Variants in NRXN3 observed in about 807,000 individuals in gnomAD.
NRXN3 encodes neurexin 3.
NRXN3 carries 32 observed loss-of-function variants against 137.6 expected under a neutral mutation model. The observed-to-expected ratio is 0.23, with a 90% CI of 0.18 to 0.31. NRXN3 has a LOEUF of 0.31. Ranked by LOEUF, NRXN3 falls within the 10% of genes least tolerant of loss-of-function variation. NRXN3 has a pLI of 1.00. For missense variants in NRXN3, 1,574 were observed against 2,062.5 expected, an observed-to-expected ratio of 0.76 and a Z score of 4.59; for synonymous variants, 798 against 784.5, an observed-to-expected ratio of 1.02 and a Z score of -0.29.
At chr14:79,573,121 C>T (rs2097626083) in intron 16 of NRXN3, 1 of 152,076 alleles carries the variant, frequency 6.6e-6, no homozygotes. Context: ...CTTTCAGATG[C>T]TTTTTAAATA....
chr14:78,459,528 C>T (rs1020718523), intron 4 of NRXN3, among the ~76,000 whole-genome samples: 3 of 152,146 alleles, frequency 2.0e-5, no homozygotes, highest in African/African-American at 7.2e-5. Flanking sequence ...GCCCTTTCTC[C>T]CCAGCCCCTG....
intron 15 of NRXN3, among the ~76,000 whole-genome samples, chr14:79,258,932 A>G (rs1001082658): frequency 6.6e-6 from 1 of 152,242 alleles, no homozygotes; most frequent in Admixed American, 6.5e-5. Flanking sequence ...TGAGTAATAG[A>G]ACAAAGTAGA....
At chr14:78,310,452 T>TAGTA (rs2077851711) in intron 4 of NRXN3, among the ~76,000 whole-genome samples, 1 of 152,038 alleles carries the variant, frequency 6.6e-6, no homozygotes, top group Non-Finnish European at 1.5e-5. Context: ...GATCCATCTG[T>TAGTA]AGTACACCAT....
At chr14:78,465,695 C>T (rs1032021930) in intron 4 of NRXN3, among the ~76,000 whole-genome samples, 1 of 151,078 alleles carries the variant, frequency 6.6e-6, no homozygotes, top group Non-Finnish European at 1.5e-5. Flanking sequence ...CCACCATGCC[C>T]GGCTAATTTT....
chr14:79,461,626 C>G (rs1325719986), intron 15 of NRXN3, among the ~76,000 whole-genome samples: 1 of 152,074 alleles, frequency 6.6e-6, no homozygotes, highest in South Asian at 2.1e-4. Context: ...TTTATCAGTT[C>G]CAAAGCAACA....
chr14:78,761,757 G>T (rs2098692994), intron 8 of NRXN3, among the ~76,000 whole-genome samples: 1 of 152,170 alleles, frequency 6.6e-6, no homozygotes, highest in African/African-American at 2.4e-5. Context: ...TTAAGGAAGA[G>T]CTGCTTTTCA....
At chr14:78,987,309 A>G (rs1308448878) in intron 14 of NRXN3, among the ~76,000 whole-genome samples, 1 of 152,192 alleles carries the variant, frequency 6.6e-6, no homozygotes, top group Non-Finnish European at 1.5e-5. Context: ...TAAGTTGGAC[A>G]TCAGCATCCT....
intron 4 of NRXN3, among the ~76,000 whole-genome samples, chr14:78,642,972 G>A (rs1365883736): frequency 6.6e-6 from 1 of 152,154 alleles, no homozygotes; most frequent in African/African-American, 2.4e-5. Context: ...ATACCAATGT[G>A]TGTGCAAGCA....
At chr14:79,236,493 C>G (rs929287881) in intron 15 of NRXN3, among the ~76,000 whole-genome samples, 1 of 152,050 alleles carries the variant, frequency 6.6e-6, no homozygotes, top group East Asian at 1.9e-4. Flanking sequence ...TATATGAGAG[C>G]TCTTCTTTCT....
chr14:79,491,609 G>A (rs1419118961), intron 16 of NRXN3, among the ~76,000 whole-genome samples: 2 of 146,012 alleles, frequency 1.4e-5, no homozygotes, highest in African/African-American at 5.5e-5. Context: ...TCAAAAAAAA[G>A]CAAAAACAAA....
chr14:78,325,912 T>A (rs1207355502), intron 4 of NRXN3, among the ~76,000 whole-genome samples: 1 of 152,210 alleles, frequency 6.6e-6, no homozygotes, highest in East Asian at 1.9e-4. Context: ...TTCTAACACA[T>A]CTCACTCTAT....
At chr14:78,386,628 A>G (rs2090008157) in intron 4 of NRXN3, among the ~76,000 whole-genome samples, 1 of 152,236 alleles carries the variant, frequency 6.6e-6, no homozygotes, top group Non-Finnish European at 1.5e-5. Context: ...ATGGATGAAC[A>G]AACCAAAGGC....
At chr14:79,120,451 C>T (rs977717346) in intron 15 of NRXN3, among the ~76,000 whole-genome samples, 5 of 151,878 alleles carry the variant, frequency 3.3e-5, no homozygotes, top group African/African-American at 4.8e-5. Flanking sequence ...CTTGTAAGCT[C>T]ATTGCCACTA....
intron 15 of NRXN3, among the ~76,000 whole-genome samples, chr14:79,232,986 G>C (rs1312901924): frequency 6.6e-6 from 1 of 152,166 alleles, no homozygotes; most frequent in Non-Finnish European, 1.5e-5. Context: ...AGATAACTGA[G>C]ATAGTGATTC....
At position 78,801,316 on chromosome 14, in the gene NRXN3, G is replaced by A. The variant is rs537509686; in HGVS notation, c.2045-2304G>A. ...AGCCTGGATGACAGAGTGAGACTCC[G>A]TCTCAAAAAAAAGAAAAGAAATACA... On this transcript the variant is annotated intron_variant, in intron 8 of 20. Coordinates refer to ENST00000335750, the MANE Select transcript of NRXN3 (RefSeq NM_001330195.2). Among the ~76,000 whole-genome samples the A allele has an allele frequency of 1.1e-4, 16 of 152,124 alleles. No individual in the cohort carries two copies. In the South Asian group the frequency reaches 2.9e-3, roughly 28 times the overall value.
chr14:78,274,520 C>A (rs1054032930), intron 2 of NRXN3, among the ~76,000 whole-genome samples: 2 of 152,170 alleles, frequency 1.3e-5, no homozygotes, highest in Non-Finnish European at 2.9e-5. Context: ...ACGGGAACTA[C>A]AATTCAAGAT....
At chr14:79,585,938 TGTGCACAC>T (rs1234451434) in intron 16 of NRXN3, among the ~76,000 whole-genome samples, 3 of 152,230 alleles carry the variant, frequency 2.0e-5, no homozygotes, top group Non-Finnish European at 4.4e-5. Flanking sequence ...ATGTCTTACC[TGTGCACAC>T]ACATTGGCTT....
chr14:79,534,619 G>A (rs2097196023), intron 16 of NRXN3, among the ~76,000 whole-genome samples: 1 of 151,986 alleles, frequency 6.6e-6, no homozygotes, highest in South Asian at 2.1e-4. Context: ...ACAGATTCAT[G>A]GGAGAGCCCC....
chr14:79,374,511 C>T (rs2094203359), intron 15 of NRXN3, among the ~76,000 whole-genome samples: 1 of 151,954 alleles, frequency 6.6e-6, no homozygotes, highest in Non-Finnish European at 1.5e-5. Flanking sequence ...ACCGTAAAAT[C>T]TTTTTTTAAA....
Sources: allele counts gnomAD v4.1 joint callset (sites outside exome capture counted in the v4.1 genomes callset), GRCh38; gene constraint gnomAD v4.1.1; transcripts MANE v1.5; gene names NCBI Gene and HGNC (gene_info 2026-07-23, HGNC 2026-07-21).